Variants in PTPRB observed in about 807,000 individuals in gnomAD.
PTPRB encodes the protein receptor-type tyrosine-protein phosphatase beta.
Under a neutral mutation model 238.1 loss-of-function variants are expected in PTPRB, and 97 were observed. The observed-to-expected ratio is 0.41, with a 90% CI of 0.35 to 0.48. The LOEUF is 0.48. PTPRB is among the 20% of genes least tolerant of loss of function. PTPRB has a pLI of 0.30. For synonymous variants in PTPRB, 970 were observed against 995.4 expected, an observed-to-expected ratio of 0.97 and a Z score of 0.48; for missense variants, 2,292 against 2,681.9, an observed-to-expected ratio of 0.85 and a Z score of 3.21.
At chr12:70,575,684 G>A (rs1418482168) in intron 11 of PTPRB, among the ~76,000 whole-genome samples, 2 of 152,198 alleles carry the variant, frequency 1.3e-5, no homozygotes, top group Non-Finnish European at 2.9e-5. Context: ...ATTTGACAAT[G>A]TATTGATGCC....
chr12:70,597,025 C>G (rs553896351), intron 4 of PTPRB, among the ~76,000 whole-genome samples: 1 of 151,862 alleles, frequency 6.6e-6, no homozygotes, highest in Non-Finnish European at 1.5e-5. Context: ...TCAAGCAATT[C>G]TTCTGCCTCA....
intron 16 of PTPRB, among the ~76,000 whole-genome samples, chr12:70,561,981 A>G (rs181708518): frequency 6.6e-6 from 1 of 152,324 alleles, no homozygotes; most frequent in East Asian, 1.9e-4. Flanking sequence ...AAAGAATTGA[A>G]TAGGTGGGCT....
rs761478945 is a variant in PTPRB, at chr12:70,544,572, T to C, written c.5479A>G (p.Ile1827Val). ...LYSDTFFSLP[I>V]TTESEPLFGA... ...TTAGCCTTACCTGATTCAGTAGTGA[T>C]GGGTAAAGAAAAAAATGTGTCTGAA... Residue 1827 changes from isoleucine to valine, a missense_variant, in exon 22 of 34, where the codon ATC becomes GTC. Ile to Val is a conservative substitution (Grantham distance 29, BLOSUM62 3). Around this residue, in one of 4 missense-constraint regions of PTPRB, gnomAD observed 397 missense variants for 502.0 expected, o/e 0.79. Transcript: ENST00000334414. 2 of 1,610,250 alleles carry C rather than the reference T, an allele frequency of 1.2e-6. No individual in the cohort carries two copies. The highest frequency in any genetic ancestry group is 8.5e-7 in the Non-Finnish European group (1 of 1,177,370).
chr12:70,534,983 G>GAGTC, intron 29 of PTPRB, 28 bp from the exon 30 acceptor site: 2 of 1,596,214 alleles, frequency 1.3e-6, no homozygotes, highest in South Asian at 2.2e-5. Flanking sequence ...GAAAAAACAT[G>GAGTC]AGTCCGGAAA....
chr12:70,532,708 C>T (rs944871228), intron 31 of PTPRB, among the ~76,000 whole-genome samples: 1 of 152,014 alleles, frequency 6.6e-6, no homozygotes, highest in African/African-American at 2.4e-5. Context: ...GTGGCACAAG[C>T]ATAGCTCACT....
intron 27 of PTPRB, 144 bp from the exon 28 acceptor site, chr12:70,538,375 G>A: frequency 1.6e-6 from 1 of 641,458 alleles, no homozygotes; most frequent in Non-Finnish European, 2.6e-6. Flanking sequence ...GGCTCAGGCA[G>A]GATAACTAAC....
At chr12:70,616,556 A>G (rs1884688431) in intron 3 of PTPRB, among the ~76,000 whole-genome samples, 1 of 152,194 alleles carries the variant, frequency 6.6e-6, no homozygotes, top group African/African-American at 2.4e-5. Flanking sequence ...GTAAATCCTG[A>G]TATAGGTCTG....
intron 6 of PTPRB, among the ~76,000 whole-genome samples, chr12:70,593,147 A>G (rs1882655850): frequency 6.6e-6 from 1 of 152,226 alleles, no homozygotes; most frequent in East Asian, 1.9e-4. Flanking sequence ...ACTTCATCAG[A>G]GGAAAATGAT....
intron 3 of PTPRB, chr12:70,609,897 TGCGCGCGCTCA>T: frequency 7.5e-7 from 1 of 1,334,422 alleles, no homozygotes; most frequent in Non-Finnish European, 1.0e-6. Context: ...GGTCACCTGT[TGCGCGCGCTCA>T]GCGCGCCCCG....
rs1347768309 is a variant in PTPRB at position 70,534,092 on chromosome 12, CA to C, written c.6368+395del. Among the ~76,000 whole-genome samples the C allele has an allele frequency of 4.6e-5, 7 of 152,232 alleles. No individual in the cohort carries two copies. The East Asian group carries it at 1.4e-3, about 29-fold the overall frequency. On this transcript the variant is annotated intron_variant, in intron 31 of 33. Coordinates refer to ENST00000334414, the MANE Select transcript of PTPRB (RefSeq NM_001109754.4). ...TCCAAAATGGAAGAATGGCCAGAGG[CA>C]AGAATAAGCTTGTGTGCTCACTTTC...
intron 9 of PTPRB, 95 bp downstream of exon 9, chr12:70,586,912 A>T (rs930482215): frequency 8.1e-7 from 1 of 1,235,154 alleles, no homozygotes; most frequent in Non-Finnish European, 1.1e-6. Flanking sequence ...TGCCCAGTAC[A>T]TAATAGGCAG....
intron 3 of PTPRB, chr12:70,609,797 G>C (rs773041705): frequency 6.3e-6 from 10 of 1,586,412 alleles, no homozygotes; most frequent in Non-Finnish European, 8.6e-6. Flanking sequence ...AGGCCAACCC[G>C]GCTCCATGGC....
At chr12:70,540,985 A>G (rs1157567833) in intron 22 of PTPRB, 28 bp from the exon 23 acceptor site, 1 of 1,552,144 alleles carries the variant, frequency 6.4e-7, no homozygotes, top group East Asian at 2.3e-5. Flanking sequence ...GAAACAACAA[A>G]CGCAGGTGGG....
chr12:70,569,605 C>T (rs1879770770), intron 14 of PTPRB, 70 bp downstream of exon 14: 7 of 1,567,156 alleles, frequency 4.5e-6, no homozygotes, highest in Admixed American at 1.7e-5. Flanking sequence ...TAGCTGAGCC[C>T]GTTCACTGTC....
intron 3 of PTPRB, among the ~76,000 whole-genome samples, chr12:70,611,464 G>C (rs189440386): frequency 6.6e-6 from 1 of 151,226 alleles, no homozygotes; most frequent in South Asian, 2.1e-4. Context: ...AATTTTTTTT[G>C]TGTGTGTGTA....
chr12:70,608,971 T>G, intron 4 of PTPRB, 98 bp downstream of exon 4: 1 of 1,440,756 alleles, frequency 6.9e-7, no homozygotes. Context: ...TTTACCTTCA[T>G]TTTTTGTATC....
intron 9 of PTPRB, among the ~76,000 whole-genome samples, chr12:70,586,164 G>C (rs576478438): frequency 6.6e-6 from 1 of 152,302 alleles, no homozygotes; most frequent in South Asian, 2.1e-4. Flanking sequence ...TATATACCTA[G>C]TAATGGGATG....
At chr12:70,605,599 G>A (rs12424094) in intron 4 of PTPRB, among the ~76,000 whole-genome samples, 32,719 of 152,194 alleles carry the variant, frequency 0.21, 3,638 homozygotes, top group South Asian at 0.29. Context: ...GTAAGGAAAT[G>A]AATGAAGTGG....
rs570167132 is a variant in PTPRB at position 70,560,442 on chromosome 12, G to A, written c.4432+229C>T. 1.9e-4 allele frequency among the ~76,000 whole-genome samples: 29 copies of A among 152,266 alleles called. No individual in the cohort carries two copies. The highest frequency in any genetic ancestry group is 7.0e-4 in the African/African-American group (29 of 41,548). On this transcript the variant is annotated intron_variant, in intron 17 of 33. Transcript: ENST00000334414. The surrounding 1 kb of genome is among the most constrained non-coding windows in gnomAD (Gnocchi z 4.2). Reference sequence around the variant, plus strand: ...TTGCAGATAAGAAAACTGAGGCCTAGAGATGCTCAATGACTTGCCCAGATT... The same window carrying A: ...TTGCAGATAAGAAAACTGAGGCCTAAAGATGCTCAATGACTTGCCCAGATT...
Sources: allele counts gnomAD v4.1 joint callset (sites outside exome capture counted in the v4.1 genomes callset), GRCh38; gene constraint gnomAD v4.1.1; regional missense constraint gnomAD v4.1.1; non-coding constraint Gnocchi (gnomAD v3.1); transcripts MANE v1.5; gene names NCBI Gene and HGNC (gene_info 2026-07-23, HGNC 2026-07-21).